PSD2: variants seen among roughly 807,000 people sequenced by gnomAD.
PSD2 encodes pleckstrin and Sec7 domain containing 2.
PSD2 carries 38 observed loss-of-function variants against 69.8 expected under a neutral mutation model. The ratio of observed to expected loss-of-function variants is 0.54; its 90% CI spans 0.42 to 0.71. PSD2 has a LOEUF of 0.71. PSD2 is among the 30% of genes least tolerant of loss of function. The probability of loss-of-function intolerance (pLI) is 0.00; values close to 1 mark genes in which losing one functional copy is unlikely to be tolerated. For missense variants in PSD2, 943 were observed against 1,014.5 expected, an observed-to-expected ratio of 0.93 and a Z score of 0.96; for synonymous variants, 412 against 423.0, an observed-to-expected ratio of 0.97 and a Z score of 0.32.
At chr5:139,774,758 AG>A in the PSD2 span, among the ~76,000 whole-genome samples, 1 of 151,952 alleles carries the variant, frequency 6.6e-6, no homozygotes, top group East Asian at 1.9e-4. Context: ...CCAAAGTGCC[AG>A]GATTACAGGC....
chr5:139,840,561 T>C (rs1001299166), intron 14 of PSD2, among the ~76,000 whole-genome samples: 2 of 151,882 alleles, frequency 1.3e-5, no homozygotes, highest in Non-Finnish European at 2.9e-5. Flanking sequence ...TATTTTTTTT[T>C]TTTTTTTGAG....
At chr5:139,751,790 CT>C in the PSD2 span, among the ~76,000 whole-genome samples, 277 of 120,384 alleles carry the variant, frequency 2.3e-3, 1 homozygote, top group Middle Eastern at 0.013. Context: ...AGGGTCCAGC[CT>C]TTTTTTTTTT....
chr5:139,777,654 T>G, the PSD2 span, among the ~76,000 whole-genome samples: 1 of 151,856 alleles, frequency 6.6e-6, no homozygotes, highest in Non-Finnish European at 1.5e-5. Flanking sequence ...GAGGCCGACG[T>G]GGGTGGAGTG....
At position 139,814,462 on chromosome 5, in the gene PSD2, T is replaced by C; in HGVS notation, c.1016+98T>C. 1 of 1,127,746 alleles carries C rather than the reference T, an allele frequency of 8.9e-7. No individual in the cohort carries two copies. Among genetic ancestry groups the C allele is most frequent in the Non-Finnish European group, 1.2e-6 (1 of 823,040 alleles). 69.9% of individuals were successfully genotyped at this position (1,127,746 alleles called of 1,614,324 possible). On this transcript the variant is annotated intron_variant, in intron 4 of 14. Transcript: ENST00000274710. This position sits in a 1 kb window ranked among gnomAD's most constrained non-coding sequence, Gnocchi z 4.4. Reference sequence around the variant, plus strand: ...GACCTTCTTCAGGGGTGCCAGGTGCTGGGGGGGCACTCCCAACAGTTCCCC... The same window carrying C: ...GACCTTCTTCAGGGGTGCCAGGTGCCGGGGGGGCACTCCCAACAGTTCCCC...
the PSD2 span, among the ~76,000 whole-genome samples, chr5:139,751,212 A>G: frequency 6.6e-6 from 1 of 152,144 alleles, no homozygotes; most frequent in African/African-American, 2.4e-5. Flanking sequence ...CTCCTACTCC[A>G]CAGTCTTCTG....
chr5:139,824,727 C>T, intron 7 of PSD2, among the ~76,000 whole-genome samples: 1 of 152,126 alleles, frequency 6.6e-6, no homozygotes, highest in Non-Finnish European at 1.5e-5. Flanking sequence ...TGATAAAGTG[C>T]CAGTGTGTAA....
the PSD2 span, among the ~76,000 whole-genome samples, chr5:139,764,367 T>A: frequency 6.6e-6 from 1 of 152,148 alleles, no homozygotes; most frequent in Admixed American, 6.5e-5. Context: ...CCGCCTGGGC[T>A]GCTGCAGCTG....
the PSD2 span, among the ~76,000 whole-genome samples, chr5:139,785,234 C>CTT: frequency 7.0e-6 from 1 of 141,874 alleles, no homozygotes; most frequent in African/African-American, 2.6e-5. Flanking sequence ...CCCTTCCTTC[C>CTT]TTTTTTTTTT....
At chr5:139,819,242 G>A (rs562328000) in intron 5 of PSD2, among the ~76,000 whole-genome samples, 1 of 152,220 alleles carries the variant, frequency 6.6e-6, no homozygotes, top group Non-Finnish European at 1.5e-5. Flanking sequence ...AATTAAGGTT[G>A]CACTGAAGTT....
At chr5:139,769,704 C>T in the PSD2 span, among the ~76,000 whole-genome samples, 5 of 152,324 alleles carry the variant, frequency 3.3e-5, no homozygotes, top group Admixed American at 2.6e-4. Flanking sequence ...CCTACCTGGC[C>T]ATGGGTGGCC....
chr5:139,762,383 C>A, the PSD2 span, among the ~76,000 whole-genome samples: 1 of 143,606 alleles, frequency 7.0e-6, no homozygotes, highest in African/African-American at 2.6e-5. Context: ...TGCTCTGTTG[C>A]CCAGGCTGGA....
At chr5:139,762,615 C>T in the PSD2 span, among the ~76,000 whole-genome samples, 1 of 152,222 alleles carries the variant, frequency 6.6e-6, no homozygotes, top group Admixed American at 6.5e-5. Flanking sequence ...TTGTTGAGGT[C>T]ACAGAGGGGT....
At chr5:139,774,998 A>G in the PSD2 span, among the ~76,000 whole-genome samples, 1 of 151,946 alleles carries the variant, frequency 6.6e-6, no homozygotes, top group Non-Finnish European at 1.5e-5. Flanking sequence ...CTCTATCGAG[A>G]CCGTACTGTG....
At chr5:139,824,545 T>C (rs1342037791) in intron 7 of PSD2, among the ~76,000 whole-genome samples, 3 of 151,978 alleles carry the variant, frequency 2.0e-5, no homozygotes, top group South Asian at 2.1e-4. Context: ...TACAGGCACC[T>C]GCCACCACGC....
At chr5:139,805,769 G>C (rs753851127) in intron 1 of PSD2, among the ~76,000 whole-genome samples, 3 of 152,194 alleles carry the variant, frequency 2.0e-5, no homozygotes, top group African/African-American at 4.8e-5. Context: ...GGAGCGGAAA[G>C]AAGGCCACTG....
intron 1 of PSD2, among the ~76,000 whole-genome samples, chr5:139,807,245 G>A (rs1055460864): frequency 6.6e-6 from 1 of 152,194 alleles, no homozygotes; most frequent in Admixed American, 6.5e-5. Context: ...GAAACCCTGT[G>A]CCCCAGAGCC....
chr5:139,818,429 C>T (rs575696478), intron 5 of PSD2, among the ~76,000 whole-genome samples: 2 of 152,018 alleles, frequency 1.3e-5, no homozygotes, highest in South Asian at 4.2e-4. Context: ...GCCTGTAGTC[C>T]CAGTTCCTCA....
At chr5:139,794,551 G>A (rs1759475761), upstream of PSD2, among the ~76,000 whole-genome samples, 1 of 152,226 alleles carries the variant, frequency 6.6e-6, no homozygotes, top group South Asian at 2.1e-4. Flanking sequence ...CTTCATGAAG[G>A]AAGGGGCATT....
chr5:139,830,155 C>A (rs894780100), intron 7 of PSD2, among the ~76,000 whole-genome samples: 1 of 151,572 alleles, frequency 6.6e-6, no homozygotes, highest in Non-Finnish European at 1.5e-5. Context: ...TACTTTTTGG[C>A]CATTTGTATA....
Sources: gnomAD v4.1 joint callset for allele counts (sites outside exome capture counted in the v4.1 genomes callset) on GRCh38, gnomAD v4.1.1 for gene constraint, Gnocchi (gnomAD v3.1) non-coding constraint, MANE v1.5 for transcripts, NCBI Gene and HGNC (gene_info 2026-07-23, HGNC 2026-07-21) for gene names.